WASHC4: variants seen among roughly 807,000 people sequenced by gnomAD.
WASHC4 encodes WASH complex subunit 4.
WASHC4 carries 86 observed loss-of-function variants against 166.6 expected under a neutral mutation model. That is an observed-to-expected ratio of 0.52 (90% CI 0.43 to 0.62). The LOEUF is 0.62. Ranked by LOEUF, WASHC4 falls within the 20% of genes least tolerant of loss-of-function variation. WASHC4 has a pLI of 0.00. For synonymous variants in WASHC4, 446 were observed against 451.6 expected, an observed-to-expected ratio of 0.99 and a Z score of 0.16; for missense variants, 1,262 against 1,382.4, an observed-to-expected ratio of 0.91 and a Z score of 1.38.
intron 24 of WASHC4, 27 bp downstream of exon 24, chr12:105,147,173 T>A: frequency 7.6e-7 from 1 of 1,309,064 alleles, no homozygotes; most frequent in Non-Finnish European, 1.1e-6. Context: ...GGGGGTTGAG[T>A]GGGTAATAGA....
Position 105,151,145 on chromosome 12 carries a change from CAAAAAAAAAAAAA to C in WASHC4, c.2650-1185_2650-1173del, listed in dbSNP as rs34655671. On this transcript the variant is annotated intron_variant, in intron 25 of 32. Coordinates refer to ENST00000332180, the MANE Select transcript of WASHC4 (RefSeq NM_015275.3). ...GAGTGACAAGAGCAAGACTCTGTCT[CAAAAAAAAAAAAA>C]AAAAAAAAAAAAGAACGCCGTTTTC... Among the ~76,000 whole-genome samples, 11 of 60,992 alleles carry C rather than the reference CAAAAAAAAAAAAA, an allele frequency of 1.8e-4. No individual in the cohort carries two copies. The East Asian group carries it at 4.0e-3, about 22-fold the overall frequency. The allele number at this position is 60,992 out of a possible 152,430, so 40.0% of individuals were successfully genotyped here. A position where few individuals can be genotyped will look rare whatever the true frequency, so the allele number is the denominator to read the frequency against.
intron 25 of WASHC4, among the ~76,000 whole-genome samples, chr12:105,151,297 A>G (rs1194836205): frequency 5.3e-5 from 8 of 152,072 alleles, no homozygotes; most frequent in Non-Finnish European, 1.2e-4. Context: ...ACAGGCTTAG[A>G]TGGGTCCTAT....
intron 13 of WASHC4, among the ~76,000 whole-genome samples, chr12:105,130,905 T>G (rs1280727664): frequency 6.6e-6 from 1 of 152,220 alleles, no homozygotes; most frequent in African/African-American, 2.4e-5. Flanking sequence ...TGACACTGTT[T>G]AGTGCTTTAT....
Position 105,107,820 on chromosome 12 carries a change from C to T in WASHC4, c.20C>T (p.Ser7Phe), listed in dbSNP as rs187427903. The T allele has an allele frequency of 8.4e-6, 13 of 1,550,894 alleles. No individual in the cohort carries two copies. In the African/African-American group the frequency reaches 1.1e-4, roughly 13 times the overall value. Residue 7 changes from serine (S) to phenylalanine (F), a missense_variant, in exon 1 of 33, where the codon TCC becomes TTC. Transcript: ENST00000332180. The stretch of plus-strand genomic sequence containing the variant: ...GGGGTGATGGCGGTGGAGACTCTGT[C>T]CCCGGACTGGGAGTTTGACCGCGTT... Reference protein sequence around the residue: MAVETLSPDWEFDRVDD... With the variant: MAVETLFPDWEFDRVDD...
chr12:105,127,587 C>G (rs1881405195), intron 13 of WASHC4, among the ~76,000 whole-genome samples: 7 of 152,090 alleles, frequency 4.6e-5, no homozygotes, highest in Admixed American at 4.6e-4. Context: ...GATTTTGTTG[C>G]AGTAGATATC....
At chr12:105,119,261 A>G (rs954064755) in intron 7 of WASHC4, among the ~76,000 whole-genome samples, 3 of 152,156 alleles carry the variant, frequency 2.0e-5, no homozygotes, top group Non-Finnish European at 4.4e-5. Context: ...AAAAACGATC[A>G]CATTTTCATA....
chr12:105,140,944 G>T lies in WASHC4; in HGVS notation c.1606G>T (p.Val536Leu). ...DKKYSEQRLD[V>L]LSALVLAENT... Reference sequence around the variant, plus strand: ...AAAATACAGCGAACAGCGTCTTGATGTGCTCTCTGCTCTAGTTTTGGCTGA... The same window carrying T: ...AAAATACAGCGAACAGCGTCTTGATTTGCTCTCTGCTCTAGTTTTGGCTGA... The change falls in exon 17 of 33, where the codon GTG (valine) becomes TTG (leucine). Residue 536 changes from valine (V) to leucine (L), a missense_variant. By Grantham distance (32) the Val-to-Leu change is conservative (BLOSUM62 1). Coordinates refer to ENST00000332180, the MANE Select transcript of WASHC4 (RefSeq NM_015275.3). 1.2e-6 allele frequency: 2 copies of T among 1,614,054 alleles called. No homozygotes were observed. The highest frequency in any genetic ancestry group is 1.7e-6 in the Non-Finnish European group (2 of 1,179,968).
chr12:105,120,464 C>A, intron 7 of WASHC4, 91 bp from the exon 8 acceptor site: 1 of 770,078 alleles, frequency 1.3e-6, no homozygotes, highest in Non-Finnish European at 2.3e-6. Context: ...TATTAAAATT[C>A]CAAGATCATC....
chr12:105,155,579 CA>C (rs11341382), intron 26 of WASHC4, among the ~76,000 whole-genome samples: 152,265 of 152,266 alleles, frequency 1, 76,132 homozygotes, highest in Non-Finnish European at 1. Context: ...GTGGCTCACA[CA>C]CTGTAATCCC....
chr12:105,111,313 T>A, intron 2 of WASHC4, 49 bp downstream of exon 2: 2 of 1,196,530 alleles, frequency 1.7e-6, no homozygotes, highest in African/African-American at 1.5e-5. Context: ...CTGGACATAC[T>A]ATATCCTGAA....
At chr12:105,160,244 C>A in intron 29 of WASHC4, 96 bp downstream of exon 29, 2 of 983,242 alleles carry the variant, frequency 2.0e-6, no homozygotes, top group Non-Finnish European at 3.2e-6. Context: ...ATACAGACTA[C>A]ACTATTAATT....
rs141385655 is a variant in WASHC4 at position 105,120,726 on chromosome 12, G to A, written c.561+129G>A. ...GAGGCGTGTGTGTGTGTGTGTGTTT[G>A]TGTGTGTTTGCATTTGTTCTCTTTC... is the stretch of plus-strand genomic sequence containing the variant. On this transcript the variant is annotated intron_variant, in intron 8 of 32. Transcript: ENST00000332180. 297 of 671,286 alleles carry A rather than the reference G, an allele frequency of 4.4e-4. 1 individual carries two copies. In the African/African-American group the frequency reaches 5.1e-3, roughly 11 times the overall value. The allele number at this position is 671,286 out of a possible 1,614,324, so 41.6% of individuals were successfully genotyped here. A position where few individuals can be genotyped will look rare whatever the true frequency, so the allele number is the denominator to read the frequency against.
chr12:105,133,767 T>G lies in WASHC4; in HGVS notation c.1200-3T>G. On this transcript the variant is annotated splice_region_variant and splice_polypyrimidine_tract_variant and intron_variant, in intron 13 of 32. Transcript: ENST00000332180. ...GAGTAACCCCAATATTTTCCTTTGTTAGAGATGTACAGTCTTACTACGTCT... is the reference window on the plus strand; with the variant it reads ...GAGTAACCCCAATATTTTCCTTTGTGAGAGATGTACAGTCTTACTACGTCT... 1 of 1,611,866 alleles carries G rather than the reference T, an allele frequency of 6.2e-7. No individual in the cohort carries two copies. Among genetic ancestry groups the G allele is most frequent in the Non-Finnish European group, 8.5e-7 (1 of 1,178,474 alleles).
At chr12:105,122,025 A>G in intron 9 of WASHC4, 93 bp from the exon 10 acceptor site, 1 of 858,202 alleles carries the variant, frequency 1.2e-6, no homozygotes, top group Non-Finnish European at 1.8e-6. Context: ...CAAGAAATAT[A>G]AATATAAAAT....
At chr12:105,124,057 AC>A (rs1271372139) in intron 10 of WASHC4, among the ~76,000 whole-genome samples, 3 of 151,942 alleles carry the variant, frequency 2.0e-5, no homozygotes, top group African/African-American at 7.3e-5. Context: ...TAATTAATAT[AC>A]TTTTTTTTAG....
At chr12:105,123,517 A>T (rs1396792285) in intron 10 of WASHC4, among the ~76,000 whole-genome samples, 1 of 152,268 alleles carries the variant, frequency 6.6e-6, no homozygotes, top group Non-Finnish European at 1.5e-5. Flanking sequence ...CCGCAACATT[A>T]GTTTAAGCCA....
chr12:105,109,638 T>G (rs17036655), intron 1 of WASHC4, among the ~76,000 whole-genome samples: 8,808 of 150,408 alleles, frequency 0.059, 886 homozygotes, highest in African/African-American at 0.21. Flanking sequence ...GTGGTGTTTC[T>G]CTAGCATTGT....
chr12:105,146,063 A>C (rs1883267105), intron 22 of WASHC4, among the ~76,000 whole-genome samples: 1 of 152,142 alleles, frequency 6.6e-6, no homozygotes, highest in South Asian at 2.1e-4. Flanking sequence ...CCTGAAAAAT[A>C]GTATGTATTT....
chr12:105,133,757 T>C lies in WASHC4; in HGVS notation c.1200-13T>C, dbSNP rs750879942. On this transcript the variant is annotated splice_polypyrimidine_tract_variant and intron_variant, in intron 13 of 32. Transcript: ENST00000332180. The stretch of plus-strand genomic sequence containing the variant: ...TTTCTTTGCTGAGTAACCCCAATAT[T>C]TTCCTTTGTTAGAGATGTACAGTCT... 2 of 1,610,556 alleles carry C rather than the reference T, an allele frequency of 1.2e-6. No individual in the cohort carries two copies. Among genetic ancestry groups the C allele is most frequent in the South Asian group, 1.1e-5 (1 of 90,952 alleles).
Sources: allele counts gnomAD v4.1 joint callset (sites outside exome capture counted in the v4.1 genomes callset), GRCh38; gene constraint gnomAD v4.1.1; transcripts MANE v1.5; gene names NCBI Gene and HGNC (gene_info 2026-07-23, HGNC 2026-07-21).